Variants in SLC12A3 observed in about 807,000 individuals in gnomAD.
SLC12A3 encodes the protein solute carrier family 12 member 3, also known as Na-Cl cotransporter.
In SLC12A3, 104 loss-of-function variants were observed where a neutral mutation model predicts 121.0. The ratio of observed to expected loss-of-function variants is 0.86; its 90% CI spans 0.73 to 1.01. The LOEUF (loss-of-function observed/expected upper bound fraction) is 1.01, where lower values mean the gene tolerates loss of function less well. Among genes scored for constraint, SLC12A3 ranks in the 50% least tolerant of loss-of-function variants. The pLI, the probability that SLC12A3 is intolerant of heterozygous loss-of-function variation, is 0.00. For missense variants in SLC12A3, 1,328 were observed against 1,356.3 expected, an observed-to-expected ratio of 0.98 and a Z score of 0.33; for synonymous variants, 536 against 533.4, an observed-to-expected ratio of 1.00 and a Z score of -0.07.
At chr16:56,873,231 A>G (rs1383954326) in intron 8 of SLC12A3, among the ~76,000 whole-genome samples, 4 of 152,134 alleles carry the variant, frequency 2.6e-5, no homozygotes, top group African/African-American at 9.7e-5. Context: ...CCTTCCCATG[A>G]GCCTGCTGCA....
chr16:56,888,325 G>T (rs372168749), intron 18 of SLC12A3, among the ~76,000 whole-genome samples: 2 of 152,140 alleles, frequency 1.3e-5, no homozygotes, highest in Non-Finnish European at 2.9e-5. Flanking sequence ...GAAGAAACAC[G>T]CTGAGGCTGA....
chr16:56,884,242 C>G (rs770405709), intron 14 of SLC12A3, 38 bp downstream of exon 14: 1 of 1,611,256 alleles, frequency 6.2e-7, no homozygotes, highest in African/African-American at 1.3e-5. Flanking sequence ...CCCTCCTCCC[C>G]CAGGGTAGCC....
rs749234287 is a variant in SLC12A3 at position 56,885,353 on chromosome 16, C to A, written c.1914C>A (p.Ile638=). 4 of 1,550,584 alleles carry A rather than the reference C, an allele frequency of 2.6e-6. No individual in the cohort carries two copies. The highest frequency in any genetic ancestry group is 3.3e-4 in the Middle Eastern group (2 of 5,984). Residue 638 remains isoleucine, a synonymous_variant, in exon 15 of 26, where the codon ATC becomes ATA. Coordinates refer to ENST00000563236, the MANE Select transcript of SLC12A3 (RefSeq NM_001126108.2). The part of the protein sequence containing the change: ...SVGLNEVEDH[I]KNYRPQCLVL... ...GCCTCAATGAGGTGGAAGACCACAT[C>A]AAGAACTACCGGTGAGCAGAGCTGC...
chr16:56,869,718 G>T lies in SLC12A3; in HGVS notation c.506-11G>T, dbSNP rs1403238390. On this transcript the variant is annotated splice_polypyrimidine_tract_variant and intron_variant, in intron 3 of 25. Transcript: ENST00000563236. Reference sequence around the variant, plus strand: ...GAAATGCCCTGCCTAAGCTTTGGGTGCCCCCTGCAGTCCTGACCTGGATCA... The same window carrying T: ...GAAATGCCCTGCCTAAGCTTTGGGTTCCCCCTGCAGTCCTGACCTGGATCA... 3.1e-6 allele frequency: 5 copies of T among 1,612,538 alleles called. No individual in the cohort carries two copies. Among genetic ancestry groups the T allele is most frequent in the Non-Finnish European group, 4.2e-6 (5 of 1,178,642 alleles).
At chr16:56,872,576 G>C in intron 7 of SLC12A3, 80 bp from the exon 8 acceptor site, 1 of 1,609,068 alleles carries the variant, frequency 6.2e-7, no homozygotes, top group Non-Finnish European at 8.5e-7. Flanking sequence ...CCATGGTCAG[G>C]GGCTGCCTGC....
Position 56,913,290 on chromosome 16 carries a change from A to C in SLC12A3, c.2951A>C (p.Lys984Thr). 1 of 1,614,172 alleles carries C rather than the reference A, an allele frequency of 6.2e-7. No homozygotes were observed. The highest frequency in any genetic ancestry group is 8.5e-7 in the Non-Finnish European group (1 of 1,180,028). ...ACTTTGCCCATAGGGAGGAAGGGGAAGTGCCCCAGCTCGCTGTACATGGCC... is the reference window on the plus strand; with the variant it reads ...ACTTTGCCCATAGGGAGGAAGGGGACGTGCCCCAGCTCGCTGTACATGGCC... Reference protein sequence around the residue: ...VITLPIGRKGKCPSSLYMAWL... With the variant: ...VITLPIGRKGTCPSSLYMAWL... Residue 984 changes from lysine to threonine, a missense_variant, in exon 26 of 26, where the codon AAG (lysine) becomes ACG (threonine). Physicochemically the swap from Lys to Thr is moderately conservative, Grantham distance 78 (BLOSUM62 -1). Transcript: ENST00000563236.
At position 56,887,107 on chromosome 16, in the gene SLC12A3, G is replaced by C. The variant is rs761818259; in HGVS notation, c.2178+14G>C. The stretch of plus-strand genomic sequence containing the variant: ...ATCCTCATGCAGGTGCCATGGACTG[G>C]GGGCTCCCCTACAGGACTTACGGCT... On this transcript the variant is annotated intron_variant, in intron 17 of 25. Coordinates refer to ENST00000563236, the MANE Select transcript of SLC12A3 (RefSeq NM_001126108.2). 1 of 1,613,844 alleles carries C rather than the reference G, an allele frequency of 6.2e-7. No homozygotes were observed. Among genetic ancestry groups the C allele is most frequent in the East Asian group, 2.2e-5 (1 of 44,888 alleles).
At chr16:56,887,883 C>A (rs752017351) in intron 17 of SLC12A3, 42 bp from the exon 18 acceptor site, 1 of 1,471,718 alleles carries the variant, frequency 6.8e-7, no homozygotes, top group South Asian at 1.1e-5. Context: ...ACCAACTCTG[C>A]CCCTCTGATG....
At chr16:56,910,686 G>A (rs868755350) in intron 25 of SLC12A3, among the ~76,000 whole-genome samples, 5 of 152,202 alleles carry the variant, frequency 3.3e-5, no homozygotes. Flanking sequence ...TTAGAGATGA[G>A]GAAGCAGCTT....
At position 56,870,205 on chromosome 16, in the gene SLC12A3, C is replaced by T. The variant is rs1321280042; in HGVS notation, c.711C>T (p.Gly237=). ...NAVGVAMHTV[G]FAETVRDLLQ... ...TGGGTGTGGCCATGCACACGGTGGG[C>T]TTTGCAGAGACCGTGCGGGACCTGC... The change falls in exon 5 of 26, where the codon GGC becomes GGT. Residue 237 remains glycine (G), a synonymous_variant. Transcript: ENST00000563236. 3 of 1,613,906 alleles carry T rather than the reference C, an allele frequency of 1.9e-6. No homozygotes were observed. Among genetic ancestry groups the T allele is most frequent in the Admixed American group, 3.3e-5 (2 of 60,032 alleles).
At chr16:56,905,130 G>A (rs1443196933) in intron 25 of SLC12A3, among the ~76,000 whole-genome samples, 4 of 151,944 alleles carry the variant, frequency 2.6e-5, no homozygotes, top group African/African-American at 7.3e-5. Context: ...ACCTGAGGTC[G>A]GGAGGTCGAG....
chr16:56,875,518 C>T (rs1456842143), intron 8 of SLC12A3, among the ~76,000 whole-genome samples: 5 of 152,094 alleles, frequency 3.3e-5, no homozygotes, highest in African/African-American at 9.7e-5. Flanking sequence ...GGCAGAGGAG[C>T]CGGAATGCCA....
At chr16:56,898,389 G>T (rs1464098364) in intron 22 of SLC12A3, among the ~76,000 whole-genome samples, 2 of 152,118 alleles carry the variant, frequency 1.3e-5, no homozygotes, top group East Asian at 3.8e-4. Flanking sequence ...CTCCCGAGTA[G>T]CTGGGACTAC....
chr16:56,892,029 A>G, intron 19 of SLC12A3, 54 bp from the exon 20 acceptor site: 1 of 1,368,202 alleles, frequency 7.3e-7, no homozygotes, highest in Non-Finnish European at 1.0e-6. Context: ...GGAGGAACCC[A>G]CGGTGCCCTC....
intron 25 of SLC12A3, among the ~76,000 whole-genome samples, chr16:56,913,021 G>A (rs1199208140): frequency 1.3e-5 from 2 of 152,202 alleles, no homozygotes; most frequent in African/African-American, 4.8e-5. Context: ...GTGAGGTCGT[G>A]GGCTTGGCAA....
Position 56,886,466 on chromosome 16 carries a change from C to T in SLC12A3, c.2028C>T (p.His676=), listed in dbSNP as rs35070204. The T allele has an allele frequency of 1.7e-4, 282 of 1,613,526 alleles. No homozygotes were observed. In the African/African-American group the frequency reaches 2.4e-3, roughly 14 times the overall value. ...ACCTCAGCCTGATGATCTGTGGCCA[C>T]GTGCTCATCGTGAGTGGCCCCTGGA... ...TRNLSLMICG[H]VLIGPHKQRM... is the part of the protein sequence containing the mutation. Residue 676 remains histidine, a synonymous_variant, in exon 16 of 26, where the codon CAC becomes CAT. Coordinates refer to ENST00000563236, the MANE Select transcript of SLC12A3 (RefSeq NM_001126108.2).
In SLC12A3 at chr16:56,886,485, C is replaced by T. The variant is rs774757777; in HGVS notation, c.2037+10C>T. 7 of 1,608,674 alleles carry T rather than the reference C, an allele frequency of 4.4e-6. No homozygotes were observed. In the South Asian group the frequency reaches 7.7e-5, roughly 18 times the overall value. On this transcript the variant is annotated intron_variant, in intron 16 of 25. Transcript: ENST00000563236. ...TGGCCACGTGCTCATCGTGAGTGGC[C>T]CCTGGAGGGGCACAGGGGACCAGGC...
rs200585631 is a variant in SLC12A3 at position 56,865,231 on chromosome 16, C to T, written c.-5C>T. 9.5e-5 allele frequency: 154 copies of T among 1,613,362 alleles called. No homozygotes were observed. The highest frequency in any genetic ancestry group is 2.7e-4 in the Admixed American group (16 of 59,994). On this transcript the variant is annotated 5_prime_UTR_variant, in exon 1 of 26. Transcript: ENST00000563236. The stretch of plus-strand genomic sequence containing the variant: ...CCTGGCCCCTCCCTGGACACCCAGG[C>T]GACAATGGCAGAACTGCCCACAACA...
At chr16:56,909,545 C>G (rs1465036200) in intron 25 of SLC12A3, among the ~76,000 whole-genome samples, 1 of 152,066 alleles carries the variant, frequency 6.6e-6, no homozygotes, top group African/African-American at 2.4e-5. Context: ...CCCAGGGCGT[C>G]CCACCCCATG....
Sources: gnomAD v4.1 joint callset for allele counts (sites outside exome capture counted in the v4.1 genomes callset) on GRCh38, gnomAD v4.1.1 for gene constraint, MANE v1.5 for transcripts, NCBI Gene and HGNC (gene_info 2026-07-23, HGNC 2026-07-21) for gene names.